Variants in SEPTIN8 observed in about 807,000 individuals in gnomAD.
SEPTIN8 encodes septin 8.
SEPTIN8 carries 22 observed loss-of-function variants against 53.1 expected under a neutral mutation model. The observed-to-expected ratio is 0.41, with a 90% CI of 0.30 to 0.59. SEPTIN8 has a LOEUF of 0.59. Among genes scored for constraint, SEPTIN8 ranks in the 20% least tolerant of loss-of-function variants. The pLI is 0.24. For missense variants in SEPTIN8, 536 were observed against 638.7 expected (o/e 0.84, Z 1.73); for synonymous variants, 228 against 248.4 (o/e 0.92, Z 0.77).
intron 1 of SEPTIN8, among the ~76,000 whole-genome samples, chr5:132,771,904 A>C (rs1757358241): frequency 6.6e-6 from 1 of 151,956 alleles, no homozygotes. Flanking sequence ...GGATGCTGCT[A>C]CCCGGGGCCA....
At position 132,760,696 on chromosome 5, in the gene SEPTIN8, GT is replaced by G; in HGVS notation, c.1286+105del. On this transcript the variant is annotated intron_variant, in intron 9 of 9. Transcript: ENST00000378719. This position sits in a 1 kb window ranked among gnomAD's most constrained non-coding sequence, Gnocchi z 5.2. ...TGAGGGAAAACCAAACAGGAAAGGG[GT>G]AAGAGAGGGCGAGCAGGAGAGCGAG... The G allele has an allele frequency of 9.1e-7, 1 of 1,095,920 alleles. No individual in the cohort carries two copies. The highest frequency in any genetic ancestry group is 1.3e-6 in the Non-Finnish European group (1 of 757,452). 67.9% of individuals were successfully genotyped at this position (1,095,920 alleles called of 1,614,324 possible).
intron 9 of SEPTIN8, among the ~76,000 whole-genome samples, chr5:132,755,708 C>T (rs1755266200): frequency 6.6e-6 from 1 of 152,154 alleles, no homozygotes; most frequent in Admixed American, 6.5e-5. Flanking sequence ...AGGGCAGGTG[C>T]CCCTTTTCTC....
At chr5:132,752,970 G>A (rs1490485768) in intron 9 of SEPTIN8, 28 of 1,612,766 alleles carry the variant, frequency 1.7e-5, no homozygotes, top group Non-Finnish European at 2.3e-5. Flanking sequence ...CTGCCAACTA[G>A]CCCCTCTGCC....
At chr5:132,768,282 G>A (rs937100535) in intron 1 of SEPTIN8, among the ~76,000 whole-genome samples, 1 of 151,578 alleles carries the variant, frequency 6.6e-6, no homozygotes, top group African/African-American at 2.4e-5. Context: ...GGAGCCCCGG[G>A]GACCAGTCAG....
At chr5:132,775,139 C>A (rs1757670716) in intron 1 of SEPTIN8, among the ~76,000 whole-genome samples, 1 of 152,206 alleles carries the variant, frequency 6.6e-6, no homozygotes, top group Non-Finnish European at 1.5e-5. Context: ...AGTCCCCTCT[C>A]TGTGCCCTGG....
intron 4 of SEPTIN8, 117 bp from the exon 5 acceptor site, chr5:132,762,762 G>C: frequency 8.7e-7 from 1 of 1,148,514 alleles, no homozygotes; most frequent in Non-Finnish European, 1.3e-6. Flanking sequence ...CAGGGGGAAG[G>C]AGGCCAGAGA....
intron 1 of SEPTIN8, among the ~76,000 whole-genome samples, chr5:132,769,897 C>T (rs1044691405): frequency 3.4e-5 from 5 of 148,578 alleles, no homozygotes; most frequent in Non-Finnish European, 7.4e-5. Context: ...AGTTCCACAA[C>T]GCCAGCCAAC....
At chr5:132,762,781 C>T (rs1756128674) in intron 4 of SEPTIN8, 136 bp from the exon 5 acceptor site, 2 of 933,780 alleles carry the variant, frequency 2.1e-6, no homozygotes, top group South Asian at 1.6e-5. Context: ...GAGATGGAGC[C>T]ACTCCCACGG....
intron 5 of SEPTIN8, among the ~76,000 whole-genome samples, 158 bp downstream of exon 5, chr5:132,762,326 C>T (rs983693942): frequency 3.9e-5 from 6 of 152,232 alleles, no homozygotes; most frequent in African/African-American, 7.2e-5. Context: ...CCCCTGCCCA[C>T]AGATGTAGGA....
upstream of SEPTIN8, chr5:132,777,666 G>C (rs1757927979): frequency 1.0e-6 from 1 of 985,600 alleles, no homozygotes. The surrounding 1 kb of genome is among the most constrained non-coding windows in gnomAD (Gnocchi z 4.1). Context: ...AATGTGCTGG[G>C]ACCACCAACC....
At chr5:132,763,138 T>C (rs1158946118) in intron 4 of SEPTIN8, among the ~76,000 whole-genome samples, 2 of 152,126 alleles carry the variant, frequency 1.3e-5, no homozygotes, top group African/African-American at 4.8e-5. Context: ...TGACAAGGGA[T>C]GTGGGGTCAC....
intron 9 of SEPTIN8, among the ~76,000 whole-genome samples, chr5:132,754,982 A>G (rs1201702922): frequency 2.0e-5 from 3 of 152,168 alleles, no homozygotes; most frequent in Non-Finnish European, 4.4e-5. Context: ...AAACTTGTCC[A>G]AACAGTACTT....
chr5:132,757,648 C>G, intron 9 of SEPTIN8: 1 of 985,322 alleles, frequency 1.0e-6, no homozygotes, highest in East Asian at 1.1e-4. Flanking sequence ...TAAAACTACC[C>G]TTCCTTTCAT....
chr5:132,750,926 A>G lies in SEPTIN8; in HGVS notation c.*1090T>C, dbSNP rs1305863986. On this transcript the variant is annotated 3_prime_UTR_variant, in exon 10 of 10. Transcript: ENST00000378719. ...CTATTCCCCGAATGAGCTGCTGAGG[A>G]TGGAGCTGGCTATTCTGGACAGACT... The G allele has an allele frequency of 1.2e-6, 2 of 1,614,132 alleles. No homozygotes were observed. The highest frequency in any genetic ancestry group is 1.7e-6 in the Non-Finnish European group (2 of 1,180,050).
At chr5:132,758,530 CTG>C in intron 9 of SEPTIN8, 3 of 1,613,434 alleles carry the variant, frequency 1.9e-6, no homozygotes, top group Non-Finnish European at 1.7e-6. Flanking sequence ...AATAGTGACA[CTG>C]TAAATGGAAG....
Position 132,761,301 on chromosome 5 carries a change from A to T in SEPTIN8, c.963-36T>A. 2 of 1,610,472 alleles carry T rather than the reference A, an allele frequency of 1.2e-6. 1 individual carries two copies. Among genetic ancestry groups the T allele is most frequent in the South Asian group, 2.2e-5 (2 of 91,062 alleles). On this transcript the variant is annotated intron_variant, in intron 7 of 9. Transcript: ENST00000378719. This position sits in a 1 kb window ranked among gnomAD's most constrained non-coding sequence, Gnocchi z 5.8. ...CCAGAGAAAAGAGGCCAAGGATGGG[A>T]TTATGACGGAATGGGATAGGGCAGG...
intron 1 of SEPTIN8, among the ~76,000 whole-genome samples, chr5:132,768,702 A>G (rs960462218): frequency 2.0e-5 from 3 of 152,234 alleles, no homozygotes; most frequent in African/African-American, 4.8e-5. Context: ...TGATGCCATG[A>G]TCGGTGCAAG....
At chr5:132,775,476 T>A (rs892074442) in intron 1 of SEPTIN8, among the ~76,000 whole-genome samples, 8 of 152,180 alleles carry the variant, frequency 5.3e-5, no homozygotes, top group Non-Finnish European at 1.2e-4. Context: ...AATACCCCTA[T>A]GAGGGAAGAA....
chr5:132,766,399 G>A (rs1756601942), intron 1 of SEPTIN8, among the ~76,000 whole-genome samples: 2 of 152,224 alleles, frequency 1.3e-5, no homozygotes, highest in African/African-American at 4.8e-5. Context: ...GGCCACTGGA[G>A]GTGGCCCACC....
Sources: allele counts gnomAD v4.1 joint callset (sites outside exome capture counted in the v4.1 genomes callset), GRCh38; gene constraint gnomAD v4.1.1; non-coding constraint Gnocchi (gnomAD v3.1); transcripts MANE v1.5; gene names NCBI Gene and HGNC (gene_info 2026-07-23, HGNC 2026-07-21).